Variants in GRM8 observed in about 807,000 individuals in gnomAD.
GRM8 encodes the protein glutamate metabotropic receptor 8, also known as metabotropic glutamate receptor 8.
In GRM8, 47 loss-of-function variants were observed where a neutral mutation model predicts 87.2. The ratio of observed to expected loss-of-function variants is 0.54; its 90% CI spans 0.43 to 0.69. GRM8 has a LOEUF of 0.69. Among genes scored for constraint, GRM8 ranks in the 30% least tolerant of loss-of-function variants. GRM8 has a pLI of 0.00. For synonymous variants in GRM8, 396 were observed against 404.5 expected (o/e 0.98, Z 0.25); for missense variants, 1,019 against 1,139.2 (o/e 0.89, Z 1.52).
At chr7:127,152,812 T>G (rs1792481289) in intron 2 of GRM8, among the ~76,000 whole-genome samples, 1 of 152,122 alleles carries the variant, frequency 6.6e-6, no homozygotes, top group South Asian at 2.1e-4. Flanking sequence ...AAACCATGAA[T>G]AAAAATAATT....
At chr7:126,439,822 G>A (rs1425437787) in intron 10 of GRM8, among the ~76,000 whole-genome samples, 1 of 137,082 alleles carries the variant, frequency 7.3e-6, no homozygotes, top group Non-Finnish European at 1.5e-5. Context: ...GGAGGCCTAG[G>A]CTAGTGTGTG....
chr7:126,821,085 G>C (rs1247332801), intron 6 of GRM8, among the ~76,000 whole-genome samples: 1 of 152,168 alleles, frequency 6.6e-6, no homozygotes, highest in Non-Finnish European at 1.5e-5. Context: ...CTGGGCGACG[G>C]AGCAAGACTC....
chr7:127,058,205 G>A (rs751554147), intron 3 of GRM8: 3 of 494,154 alleles, frequency 6.1e-6, no homozygotes, highest in African/African-American at 4.0e-5. Flanking sequence ...AAATTCATCA[G>A]CACTCCCCAC....
At chr7:127,202,471 C>T (rs1038140583) in intron 2 of GRM8, among the ~76,000 whole-genome samples, 1 of 152,248 alleles carries the variant, frequency 6.6e-6, no homozygotes, top group Admixed American at 6.5e-5. Flanking sequence ...AGCCACCTCA[C>T]CCAGACTCTT....
Position 126,721,044 on chromosome 7 carries a change from A to T in GRM8, c.1357+48821T>A, listed in dbSNP as rs182633113. Among the ~76,000 whole-genome samples, 7 of 152,322 alleles carry T rather than the reference A, an allele frequency of 4.6e-5. No individual in the cohort carries two copies. The East Asian group carries it at 1.4e-3, about 29-fold the overall frequency. On this transcript the variant is annotated intron_variant, in intron 7 of 10. Coordinates refer to ENST00000339582, the MANE Select transcript of GRM8 (RefSeq NM_000845.3). ...TTCTGCTCTCTTGAGCTGACATCTC[A>T]TCAGCACTAACAGCTTGACCCTACA...
intron 7 of GRM8, among the ~76,000 whole-genome samples, chr7:126,711,667 C>G (rs1811106013): frequency 6.6e-6 from 1 of 152,170 alleles, no homozygotes; most frequent in African/African-American, 2.4e-5. Context: ...GGCTGATTGA[C>G]CTACACTGAA....
At chr7:126,923,330 T>C (rs1461062412) in intron 3 of GRM8, among the ~76,000 whole-genome samples, 1 of 152,188 alleles carries the variant, frequency 6.6e-6, no homozygotes, top group Non-Finnish European at 1.5e-5. Flanking sequence ...GCATCTGCTT[T>C]TCATGTAAGT....
chr7:126,774,006 G>A (rs1373795002), intron 6 of GRM8, among the ~76,000 whole-genome samples: 3 of 151,966 alleles, frequency 2.0e-5, no homozygotes, highest in East Asian at 1.9e-4. Flanking sequence ...ATTCAACTTT[G>A]TACATTTTTG....
At chr7:126,441,276 G>T (rs544111165) in intron 10 of GRM8, among the ~76,000 whole-genome samples, 1 of 152,132 alleles carries the variant, frequency 6.6e-6, no homozygotes, top group African/African-American at 2.4e-5. Flanking sequence ...GGAGACAAAT[G>T]AAGATAAAAT....
At chr7:126,722,930 AAT>A (rs887015102) in intron 7 of GRM8, among the ~76,000 whole-genome samples, 2 of 137,316 alleles carry the variant, frequency 1.5e-5, no homozygotes, top group African/African-American at 3.0e-5. Context: ...TGTTATATAT[AAT>A]ATATATGTTA....
At chr7:126,807,230 C>T (rs921488374) in intron 6 of GRM8, among the ~76,000 whole-genome samples, 11 of 152,012 alleles carry the variant, frequency 7.2e-5, no homozygotes, top group Non-Finnish European at 1.3e-4. Context: ...ACTGTCATTG[C>T]AGTCGTAACT....
At chr7:126,736,531 G>C (rs1368589822) in intron 7 of GRM8, among the ~76,000 whole-genome samples, 3 of 151,954 alleles carry the variant, frequency 2.0e-5, no homozygotes, top group African/African-American at 7.3e-5. Context: ...TCAATGTTAT[G>C]AGTTTATAAC....
rs1290852726 is a variant in GRM8 at position 126,883,324 on chromosome 7, T to G, written c.1156+19218A>C. Among the ~76,000 whole-genome samples, 4 of 152,170 alleles carry G rather than the reference T, an allele frequency of 2.6e-5. No individual in the cohort carries two copies. The East Asian group carries it at 7.7e-4, about 29-fold the overall frequency. ...TAGAAGAAGAAGAAATAGGCCTTCT[T>G]CTATTTTGATGCTAGAAAGACAAAT... On this transcript the variant is annotated intron_variant, in intron 6 of 10. Coordinates refer to ENST00000339582, the MANE Select transcript of GRM8 (RefSeq NM_000845.3).
intron 6 of GRM8, among the ~76,000 whole-genome samples, chr7:126,831,499 T>C (rs985588092): frequency 2.4e-4 from 37 of 152,232 alleles, no homozygotes; most frequent in Non-Finnish European, 5.3e-4. Flanking sequence ...TAGGACACTC[T>C]GAGCCATGTG....
intron 9 of GRM8, among the ~76,000 whole-genome samples, chr7:126,498,781 T>A (rs1440182659): frequency 1.3e-5 from 2 of 151,998 alleles, no homozygotes; most frequent in African/African-American, 4.8e-5. Flanking sequence ...ATGGACATAA[T>A]GTAGCTAATG....
chr7:126,843,073 C>A (rs1259678273), intron 6 of GRM8, among the ~76,000 whole-genome samples: 1 of 151,624 alleles, frequency 6.6e-6, no homozygotes, highest in African/African-American at 2.4e-5. Context: ...AAATATCTTA[C>A]AAATGAAAGA....
intron 3 of GRM8, among the ~76,000 whole-genome samples, chr7:126,952,752 T>C (rs1318741552): frequency 6.6e-6 from 1 of 152,004 alleles, no homozygotes; most frequent in Non-Finnish European, 1.5e-5. Context: ...TTGAGGGGAA[T>C]TTGGCAAAAT....
intron 8 of GRM8, among the ~76,000 whole-genome samples, chr7:126,567,236 G>A (rs1794296386): frequency 6.6e-6 from 1 of 152,096 alleles, no homozygotes; most frequent in Admixed American, 6.6e-5. Context: ...GATAAAAAAT[G>A]ATGAGTTCAT....
At chr7:126,655,842 TC>T (rs1223447280) in intron 7 of GRM8, among the ~76,000 whole-genome samples, 1 of 152,134 alleles carries the variant, frequency 6.6e-6, no homozygotes, top group Non-Finnish European at 1.5e-5. Context: ...TAGATACATT[TC>T]CAAAGCATGA....
Sources: gnomAD v4.1 joint callset for allele counts (sites outside exome capture counted in the v4.1 genomes callset) on GRCh38, gnomAD v4.1.1 for gene constraint, MANE v1.5 for transcripts, NCBI Gene and HGNC (gene_info 2026-07-23, HGNC 2026-07-21) for gene names.